SPATA4: variants seen among roughly 807,000 people sequenced by gnomAD.
The protein encoded by SPATA4 is spermatogenesis-associated protein 4.
A neutral mutation model predicts 31.8 loss-of-function variants in SPATA4; 35 were observed. The ratio of observed to expected loss-of-function variants is 1.10; its 90% CI spans 0.84 to 1.46. SPATA4 has a LOEUF of 1.46. Ranked by LOEUF, SPATA4 falls within the 40% of genes most tolerant of loss-of-function variation. The pLI is 0.00. For missense variants in SPATA4, 394 were observed against 363.1 expected (o/e 1.09, Z -0.69); for synonymous variants, 126 against 132.4 (o/e 0.95, Z 0.33).
At chr4:176,189,184 G>A (rs532313320) in intron 4 of SPATA4, among the ~76,000 whole-genome samples, 2 of 152,274 alleles carry the variant, frequency 1.3e-5, no homozygotes, top group South Asian at 2.1e-4. Flanking sequence ...AATATAACTG[G>A]ACAGAACTGA....
intron 1 of SPATA4, 85 bp from the exon 2 acceptor site, chr4:176,193,667 T>C (rs1271717995): frequency 1.7e-5 from 22 of 1,323,244 alleles, no homozygotes; most frequent in African/African-American, 3.0e-5. Flanking sequence ...AGTCTAATAT[T>C]CCATACTAAA....
chr4:176,185,767 A>G (rs998572383), intron 5 of SPATA4, among the ~76,000 whole-genome samples: 20 of 152,230 alleles, frequency 1.3e-4, no homozygotes, highest in African/African-American at 4.6e-4. Context: ...TTAATTTACT[A>G]TGTGCCTAGA....
intron 5 of SPATA4, among the ~76,000 whole-genome samples, chr4:176,186,457 T>C (rs1752442436): frequency 6.6e-6 from 1 of 152,186 alleles, no homozygotes; most frequent in Admixed American, 6.5e-5. Flanking sequence ...CTGCTGGAAC[T>C]TTCACCACAA....
chr4:176,192,220 T>C (rs1752542276), intron 4 of SPATA4, among the ~76,000 whole-genome samples: 1 of 152,192 alleles, frequency 6.6e-6, no homozygotes, highest in Non-Finnish European at 1.5e-5. Context: ...ACAAGCCTAC[T>C]ATGGAAAGGA....
chr4:176,195,514 C>T lies in SPATA4; in HGVS notation c.49G>A (p.Ala17Thr). ...EKGYLTQTAA[A>T]LDKSPSLSPQ... ...GAAAGTGACGGTGACTTGTCTAGGGCTGCCGCAGTCTGTGTCAAATACCCT... is the reference window on the plus strand; with the variant it reads ...GAAAGTGACGGTGACTTGTCTAGGGTTGCCGCAGTCTGTGTCAAATACCCT... The change falls in exon 1 of 6, where the codon GCC becomes ACC. Residue 17 changes from alanine to threonine, a missense_variant. By Grantham distance (58) the Ala-to-Thr change is moderately conservative. Coordinates refer to ENST00000280191, the MANE Select transcript of SPATA4 (RefSeq NM_144644.4). The T allele has an allele frequency of 6.2e-7, 1 of 1,614,268 alleles. No individual in the cohort carries two copies. The highest frequency in any genetic ancestry group is 1.1e-5 in the South Asian group (1 of 91,088).
In SPATA4 at chr4:176,193,034, G is replaced by A; in HGVS notation, c.391C>T (p.His131Tyr). Reference sequence around the variant, plus strand: ...CCAGCTTTACAATGAATTGTTCCATGGATTAGTTCTTTAGGTAATTTAAAT... The same window carrying A: ...CCAGCTTTACAATGAATTGTTCCATAGATTAGTTCTTTAGGTAATTTAAAT... ...KKFKLPKELIHGTIHCKAGVP... is the reference protein window; with the variant it reads ...KKFKLPKELIYGTIHCKAGVP... The change falls in exon 3 of 6, where the codon CAT becomes TAT. Residue 131 changes from histidine to tyrosine, a missense_variant. Transcript: ENST00000280191. 2.5e-6 allele frequency: 4 copies of A among 1,607,240 alleles called. No individual in the cohort carries two copies. The highest frequency in any genetic ancestry group is 1.3e-5 in the African/African-American group (1 of 74,664).
intron 4 of SPATA4, among the ~76,000 whole-genome samples, chr4:176,189,051 G>A (rs10000168): frequency 0.22 from 32,999 of 152,178 alleles, 4,104 homozygotes; most frequent in Admixed American, 0.36. Flanking sequence ...AGAATTGGAA[G>A]GGTTTAGATG....
At chr4:176,195,160 C>A (rs1752595043) in intron 1 of SPATA4, among the ~76,000 whole-genome samples, 185 bp downstream of exon 1, 1 of 152,208 alleles carries the variant, frequency 6.6e-6, no homozygotes, top group African/African-American at 2.4e-5. Context: ...ATTGAATAAA[C>A]AAGATGTATC....
chr4:176,191,028 AAAAAT>A (rs1388862055), intron 4 of SPATA4, among the ~76,000 whole-genome samples: 6 of 151,852 alleles, frequency 4.0e-5, no homozygotes, highest in Non-Finnish European at 8.8e-5. Context: ...GAATGAAGTA[AAAAAT>A]AATATTTAAA....
intron 5 of SPATA4, among the ~76,000 whole-genome samples, chr4:176,186,355 CA>C (rs1424019935): frequency 5.3e-5 from 8 of 152,266 alleles, no homozygotes; most frequent in Non-Finnish European, 1.0e-4. Context: ...GCAAGTTAAA[CA>C]CAAAAACAAA....
Position 176,193,509 on chromosome 4 carries a change from A to C in SPATA4, c.292T>G (p.Phe98Val). Residue 98 changes from phenylalanine to valine, a missense_variant, in exon 2 of 6, where the codon TTT becomes GTT. Coordinates refer to ENST00000280191, the MANE Select transcript of SPATA4 (RefSeq NM_144644.4). Reference sequence around the variant, plus strand: ...ACTTTTAAAGAGGTCCCGTTTTCAAAGGATGATAATTCAAGTTCCCAGGGG... The same window carrying C: ...ACTTTTAAAGAGGTCCCGTTTTCAACGGATGATAATTCAAGTTCCCAGGGG... The part of the protein sequence containing the change: ...YYPWELELSS[F>V]ENGTSLKVKL... 2 of 1,613,842 alleles carry C rather than the reference A, an allele frequency of 1.2e-6. No individual in the cohort carries two copies. The highest frequency in any genetic ancestry group is 1.7e-6 in the Non-Finnish European group (2 of 1,179,926).
At chr4:176,194,963 C>G (rs1285580139) in intron 1 of SPATA4, 1 of 197,932 alleles carries the variant, frequency 5.1e-6, no homozygotes, top group Non-Finnish European at 1.1e-5. Context: ...TACTCAACTC[C>G]TGACCTCAGG....
intron 5 of SPATA4, among the ~76,000 whole-genome samples, chr4:176,186,676 T>C (rs898585950): frequency 6.6e-6 from 1 of 152,196 alleles, no homozygotes; most frequent in Non-Finnish European, 1.5e-5. Flanking sequence ...AAGTGTGCTA[T>C]GAGGAACACT....
intron 5 of SPATA4, among the ~76,000 whole-genome samples, chr4:176,186,438 C>T (rs1752442117): frequency 6.6e-6 from 1 of 152,214 alleles, no homozygotes; most frequent in Non-Finnish European, 1.5e-5. Context: ...TGTGGCTTCA[C>T]CTCCCTCCCT....
At chr4:176,187,986 G>A in intron 5 of SPATA4, 133 bp downstream of exon 5, 1 of 679,092 alleles carries the variant, frequency 1.5e-6, no homozygotes, top group Non-Finnish European at 2.6e-6. Flanking sequence ...CTGCATACCA[G>A]TGTAATTGGC....
chr4:176,189,631 A>G (rs1752497809), intron 4 of SPATA4, among the ~76,000 whole-genome samples: 1 of 152,236 alleles, frequency 6.6e-6, no homozygotes, highest in South Asian at 2.1e-4. Context: ...ATAATAATTA[A>G]GATGCTGAAG....
intron 4 of SPATA4, among the ~76,000 whole-genome samples, chr4:176,190,732 C>T (rs1288228175): frequency 6.6e-6 from 1 of 152,160 alleles, no homozygotes; most frequent in Non-Finnish European, 1.5e-5. Flanking sequence ...CAGGTTGAGA[C>T]CCTATCACAC....
rs371418861 is a variant in SPATA4, at chr4:176,193,451, A to G, written c.348+2T>C. ...TAAAAGTGTAAATGACTGCTAACGTACCTTCTCCAACTGTGCCCAGTTATC... is the reference window on the plus strand; with the variant it reads ...TAAAAGTGTAAATGACTGCTAACGTGCCTTCTCCAACTGTGCCCAGTTATC... On this transcript the variant is annotated splice_donor_variant, in intron 2 of 5. Transcript: ENST00000280191. LOFTEE classifies it high-confidence loss of function. 8.7e-6 allele frequency: 14 copies of G among 1,609,716 alleles called. No individual in the cohort carries two copies. Among genetic ancestry groups the G allele is most frequent in the African/African-American group, 1.3e-5 (1 of 74,654 alleles).
Position 176,195,535 on chromosome 4 carries a change from A to G in SPATA4, c.28T>C (p.Tyr10His). 1 of 1,613,758 alleles carries G rather than the reference A, an allele frequency of 6.2e-7. No homozygotes were observed. Among genetic ancestry groups the G allele is most frequent in the Middle Eastern group, 1.7e-4 (1 of 6,050 alleles). Reference protein sequence around the residue: MAAAGQEKGYLTQTAAALDK... With the variant: MAAAGQEKGHLTQTAAALDK... ...AGGGCTGCCGCAGTCTGTGTCAAAT[A>G]CCCTTTTTCCTGGCCGGCGGCAGCC... The change falls in exon 1 of 6, where the codon TAT becomes CAT. Residue 10 changes from tyrosine (Y) to histidine (H), a missense_variant. Coordinates refer to ENST00000280191, the MANE Select transcript of SPATA4 (RefSeq NM_144644.4).
Sources: gnomAD v4.1 joint callset for allele counts (sites outside exome capture counted in the v4.1 genomes callset) on GRCh38, gnomAD v4.1.1 for gene constraint, MANE v1.5 for transcripts, NCBI Gene and HGNC (gene_info 2026-07-23, HGNC 2026-07-21) for gene names.